The following CLEC6A variants were observed in gnomAD, a reference collection of about 807,000 sequenced individuals.
The protein encoded by CLEC6A is C-type lectin domain containing 6A, also known as C-type lectin domain family 6 member A.
A neutral mutation model predicts 25.7 loss-of-function variants in CLEC6A; 22 were observed. That is an observed-to-expected ratio of 0.85 (90% CI 0.61 to 1.22). The LOEUF (loss-of-function observed/expected upper bound fraction) is 1.22, where lower values mean the gene tolerates loss of function less well. Among genes scored for constraint, CLEC6A ranks in the 50% most tolerant of loss-of-function variants. The pLI is 0.00. For missense variants in CLEC6A, 240 were observed against 236.8 expected, an observed-to-expected ratio of 1.01 and a Z score of -0.09; for synonymous variants, 92 against 76.7, an observed-to-expected ratio of 1.20 and a Z score of -1.04.
chr12:8,471,786 T>C (rs1396679551), intron 4 of CLEC6A, among the ~76,000 whole-genome samples: 1 of 152,150 alleles, frequency 6.6e-6, no homozygotes, highest in Non-Finnish European at 1.5e-5. Context: ...AATGATAGTT[T>C]TCCCAGATAC....
In CLEC6A at chr12:8,463,315, A is replaced by T. The variant is rs183941528; in HGVS notation, c.224-2169A>T. Among the ~76,000 whole-genome samples, 320 of 82,188 alleles carry T rather than the reference A, an allele frequency of 3.9e-3. 2 individuals are homozygous for T. Among genetic ancestry groups the T allele is most frequent in the African/African-American group, 0.011 (311 of 27,072 alleles). 53.9% of individuals were successfully genotyped at this position (82,188 alleles called of 152,430 possible). A position where few individuals can be genotyped will look rare whatever the true frequency, so the allele number is the denominator to read the frequency against. Reference sequence around the variant, plus strand: ...TTATTATAGATTTTGATAAATCATTAATAATTAAGTAAAACTTGGAAGTCT... The same window carrying T: ...TTATTATAGATTTTGATAAATCATTTATAATTAAGTAAAACTTGGAAGTCT... On this transcript the variant is annotated intron_variant, in intron 3 of 5. Coordinates refer to ENST00000382073, the MANE Select transcript of CLEC6A (RefSeq NM_001007033.2).
At chr12:8,469,229 G>T (rs1939873893) in intron 4 of CLEC6A, among the ~76,000 whole-genome samples, 1 of 152,090 alleles carries the variant, frequency 6.6e-6, no homozygotes, top group African/African-American at 2.4e-5. Context: ...CTTAACCAAG[G>T]AGGTGAAAGA....
chr12:8,467,005 TCTATTCAAGTC>T lies in CLEC6A; in HGVS notation c.369+1379_369+1389del, dbSNP rs1398636270. Among the ~76,000 whole-genome samples the T allele has an allele frequency of 2.0e-5, 3 of 152,346 alleles. No homozygotes were observed. In the East Asian group the frequency reaches 5.8e-4, roughly 29 times the overall value. On this transcript the variant is annotated intron_variant, in intron 4 of 5. Coordinates refer to ENST00000382073, the MANE Select transcript of CLEC6A (RefSeq NM_001007033.2). The stretch of plus-strand genomic sequence containing the variant: ...TGTGTATATCTTCTTTGGAGAAATG[TCTATTCAAGTC>T]CTTTGCCCTCTTTTTAACTGTGTTA...
chr12:8,469,322 A>T (rs1180147354), intron 4 of CLEC6A, among the ~76,000 whole-genome samples: 1 of 152,176 alleles, frequency 6.6e-6, no homozygotes, highest in Admixed American at 6.5e-5. Context: ...ATGCTCATGG[A>T]TGATTAGAAT....
intron 3 of CLEC6A, among the ~76,000 whole-genome samples, chr12:8,463,382 G>A (rs775390213): frequency 6.6e-6 from 1 of 151,996 alleles, no homozygotes; most frequent in Non-Finnish European, 1.5e-5. Flanking sequence ...AAATGCTATC[G>A]AATGTAATTA....
rs747795438 is a variant in CLEC6A, at chr12:8,457,893, G to C, written c.32-5G>C. On this transcript the variant is annotated splice_polypyrimidine_tract_variant and splice_region_variant and intron_variant, in intron 1 of 5. Coordinates refer to ENST00000382073, the MANE Select transcript of CLEC6A (RefSeq NM_001007033.2). ...ACTGCATTTGTTGTCTTCCTGATTG[G>C]ACAGAGAAAAGAGGCTGGTTGTCCC... 39 of 1,612,132 alleles carry C rather than the reference G, an allele frequency of 2.4e-5. No individual in the cohort carries two copies. The highest frequency in any genetic ancestry group is 3.3e-5 in the Non-Finnish European group (39 of 1,178,396).
At chr12:8,470,083 G>T (rs1053580778) in intron 4 of CLEC6A, among the ~76,000 whole-genome samples, 12 of 151,920 alleles carry the variant, frequency 7.9e-5, no homozygotes, top group African/African-American at 2.9e-4. Flanking sequence ...GAACAAATCA[G>T]CAAGAAAAAT....
At chr12:8,462,885 C>CA (rs1321486353) in intron 3 of CLEC6A, among the ~76,000 whole-genome samples, 1 of 152,178 alleles carries the variant, frequency 6.6e-6, no homozygotes, top group African/African-American at 2.4e-5. Flanking sequence ...TGTGGAGGGG[C>CA]AACCCACCCC....
chr12:8,474,091 G>T (rs1315363568), intron 4 of CLEC6A, among the ~76,000 whole-genome samples: 8 of 152,022 alleles, frequency 5.3e-5, no homozygotes, highest in African/African-American at 1.9e-4. Context: ...TCCCACTTGA[G>T]AATTTTTGTT....
chr12:8,468,167 T>A (rs149552754), intron 4 of CLEC6A, among the ~76,000 whole-genome samples: 134 of 152,342 alleles, frequency 8.8e-4, no homozygotes, highest in African/African-American at 3.0e-3. Context: ...GGTCTTGAAC[T>A]CCTGACTTCA....
chr12:8,463,306 T>G lies in CLEC6A; in HGVS notation c.224-2178T>G, dbSNP rs73243430. On this transcript the variant is annotated intron_variant, in intron 3 of 5. Transcript: ENST00000382073. The stretch of plus-strand genomic sequence containing the variant: ...ATCACAAAGTTATTATAGATTTTGA[T>G]AAATCATTAATAATTAAGTAAAACT... Among the ~76,000 whole-genome samples the G allele has an allele frequency of 4.8e-3, 658 of 137,322 alleles. 3 individuals are homozygous for G. Among genetic ancestry groups the G allele is most frequent in the African/African-American group, 0.017 (629 of 37,830 alleles). 90.1% of individuals were successfully genotyped at this position (137,322 alleles called of 152,430 possible). A position where few individuals can be genotyped will look rare whatever the true frequency, so the allele number is the denominator to read the frequency against.
intron 4 of CLEC6A, among the ~76,000 whole-genome samples, chr12:8,467,712 T>C (rs867053630): frequency 5.9e-5 from 9 of 152,342 alleles, no homozygotes; most frequent in South Asian, 2.1e-4. Flanking sequence ...TTTCTTTCTT[T>C]CTGCAAAAAA....
In CLEC6A at chr12:8,456,137, G is replaced by C. The variant is rs1939672947; in HGVS notation, c.26G>C (p.Ser9Thr). Residue 9 changes from serine (S) to threonine (T), a missense_variant, in exon 1 of 6, where the codon AGT (serine) becomes ACT (threonine). By Grantham distance (58) the Ser-to-Thr change is moderately conservative. Transcript: ENST00000382073. MMQEQQPQ[S>T]TEKRGWLSLR... Reference sequence around the variant, plus strand: ...ATGATGCAAGAGCAGCAACCTCAAAGTACAGGTGAGTATTTCCTCAGTTTC... The same window carrying C: ...ATGATGCAAGAGCAGCAACCTCAAACTACAGGTGAGTATTTCCTCAGTTTC... 1 of 1,613,752 alleles carries C rather than the reference G, an allele frequency of 6.2e-7. No homozygotes were observed. Among genetic ancestry groups the C allele is most frequent in the African/African-American group, 1.3e-5 (1 of 75,014 alleles).
Position 8,459,656 on chromosome 12 carries a change from C to T in CLEC6A, c.181C>T (p.His61Tyr). The T allele has an allele frequency of 6.2e-7, 1 of 1,613,636 alleles. No individual in the cohort carries two copies. Among genetic ancestry groups the T allele is most frequent in the Non-Finnish European group, 8.5e-7 (1 of 1,179,536 alleles). ...GKRLSELHSYHSSLTCFSEGT... is the reference protein window; with the variant it reads ...GKRLSELHSYYSSLTCFSEGT... ...AAGGCTGTCTGAACTACACTCATAT[C>T]ATTCAAGTCTCACCTGCTTCAGTGA... The change falls in exon 3 of 6, where the codon CAT (histidine) becomes TAT (tyrosine). Residue 61 changes from histidine (H) to tyrosine (Y), a missense_variant. By Grantham distance (83) the His-to-Tyr change is moderately conservative. Transcript: ENST00000382073.
intron 3 of CLEC6A, among the ~76,000 whole-genome samples, chr12:8,464,531 AT>A (rs1939805225): frequency 2.0e-5 from 3 of 152,052 alleles, no homozygotes; most frequent in African/African-American, 4.8e-5. Context: ...TCGGGGTTTC[AT>A]CTTGTTAGCC....
In CLEC6A at chr12:8,456,018, A is replaced by G; in HGVS notation, c.-94A>G. The G allele has an allele frequency of 8.3e-7, 1 of 1,209,456 alleles. No homozygotes were observed. 74.9% of individuals were successfully genotyped at this position (1,209,456 alleles called of 1,614,324 possible). The stretch of plus-strand genomic sequence containing the variant: ...GTGTAGCAGTTTGTCCCTGAGCTCT[A>G]GCTTCTTTAAATGAAGCTGAGTCTC... On this transcript the variant is annotated 5_prime_UTR_variant, in exon 1 of 6. Coordinates refer to ENST00000382073, the MANE Select transcript of CLEC6A (RefSeq NM_001007033.2).
At chr12:8,473,919 GTTGT>G (rs921085929) in intron 4 of CLEC6A, among the ~76,000 whole-genome samples, 95 of 152,116 alleles carry the variant, frequency 6.2e-4, no homozygotes, top group African/African-American at 2.2e-3. Context: ...TTTTAATGGG[GTTGT>G]TTGTTTCTTG....
At chr12:8,472,994 C>CTTTTTTTTTTTTTTT (rs746059514) in intron 4 of CLEC6A, among the ~76,000 whole-genome samples, 44 of 3,576 alleles carry the variant, frequency 0.012, 17 homozygotes, top group Non-Finnish European at 0.021. Context: ...GCTCCTACTT[C>CTTTTTTTTTTTTTTT]TTTTTTTTTT....
chr12:8,464,352 C>T (rs1460491321), intron 3 of CLEC6A, among the ~76,000 whole-genome samples: 2 of 145,280 alleles, frequency 1.4e-5, no homozygotes, highest in Non-Finnish European at 3.0e-5. Context: ...TTTTTTGAGA[C>T]GGAGTCTCTC....
Sources: allele counts gnomAD v4.1 joint callset (sites outside exome capture counted in the v4.1 genomes callset), GRCh38; gene constraint gnomAD v4.1.1; transcripts MANE v1.5; gene names NCBI Gene and HGNC (gene_info 2026-07-23, HGNC 2026-07-21).